Variants in ASIP observed in about 807,000 individuals in gnomAD.
The protein encoded by ASIP is agouti-signaling protein.
ASIP carries 11 observed loss-of-function variants against 10.3 expected under a neutral mutation model. That is an observed-to-expected ratio of 1.07 (90% CI 0.68 to 1.78). The LOEUF (loss-of-function observed/expected upper bound fraction) is 1.78, where lower values mean the gene tolerates loss of function less well. Among genes scored for constraint, ASIP ranks in the 40% most tolerant of loss-of-function variants. The pLI is 0.00. For missense variants in ASIP, 180 were observed against 169.2 expected (o/e 1.06, Z -0.35); for synonymous variants, 70 against 70.8 (o/e 0.99, Z 0.06).
chr20:34,215,739 C>T (rs117364809), intron 1 of ASIP: 15,878 of 1,470,862 alleles, frequency 0.011, 135 homozygotes, highest in Middle Eastern at 0.045. Context: ...AAAAACTTTA[C>T]ATGATCATCA....
chr20:34,191,584 TTCC>T (rs1458781740), upstream of ASIP, among the ~76,000 whole-genome samples: 1 of 152,198 alleles, frequency 6.6e-6, no homozygotes, highest in African/African-American at 2.4e-5. Flanking sequence ...CTACAAATCC[TTCC>T]TCCTCTCAGA....
At chr20:34,253,325 C>T (rs1021500137) in intron 1 of ASIP, among the ~76,000 whole-genome samples, 5 of 151,804 alleles carry the variant, frequency 3.3e-5, no homozygotes, top group Non-Finnish European at 7.4e-5. Flanking sequence ...CCAGGATGGT[C>T]TTGATCTCCT....
At chr20:34,260,185 C>T (rs1306063163) in intron 1 of ASIP, among the ~76,000 whole-genome samples, 180 bp from the exon 2 acceptor site, 1 of 152,072 alleles carries the variant, frequency 6.6e-6, no homozygotes, top group Non-Finnish European at 1.5e-5. Flanking sequence ...CATCTCTCTT[C>T]TCTCTTCTTC....
the ASIP span, among the ~76,000 whole-genome samples, chr20:34,188,930 C>A: frequency 6.6e-6 from 1 of 152,240 alleles, no homozygotes; most frequent in Non-Finnish European, 1.5e-5. Flanking sequence ...AAGAACCATA[C>A]TTCTCCCTAT....
intron 1 of ASIP, among the ~76,000 whole-genome samples, chr20:34,248,765 C>T (rs956278995): frequency 6.6e-6 from 1 of 151,698 alleles, no homozygotes; most frequent in Admixed American, 6.6e-5. Flanking sequence ...TTGCCATTGC[C>T]TTCCAGCCTG....
upstream of ASIP, among the ~76,000 whole-genome samples, chr20:34,193,857 T>G (rs6120560): frequency 0.12 from 18,551 of 152,172 alleles, 3,867 homozygotes; most frequent in African/African-American, 0.42. Flanking sequence ...AAGTGCAAAT[T>G]TTTATCTCAT....
intron 1 of ASIP, among the ~76,000 whole-genome samples, chr20:34,208,641 T>C (rs2122546322): frequency 6.6e-6 from 1 of 152,368 alleles, no homozygotes; most frequent in South Asian, 2.1e-4. Context: ...ACATGAGCGA[T>C]ACACAGCACC....
Position 34,201,060 on chromosome 20 carries a change from C to CTTTCTTTCT in ASIP, c.-11+6303_-11+6304insCTTTCTTTT, listed in dbSNP as rs1568744601. Among the ~76,000 whole-genome samples the CTTTCTTTCT allele has an allele frequency of 2.6e-4, 24 of 94,040 alleles. 1 individual carries two copies. Among genetic ancestry groups the CTTTCTTTCT allele is most frequent in the Non-Finnish European group, 3.3e-4 (14 of 42,252 alleles). The allele number at this position is 94,040 out of a possible 152,430, so 61.7% of individuals were successfully genotyped here. The stretch of plus-strand genomic sequence containing the variant: ...TCTTTCTTTCTTTCTTTCTTTCTTT[C>CTTTCTTTCT]TTTTTTTTCCTCCAGAATGTCTTAT... On this transcript the variant is annotated intron_variant, in intron 1 of 3. Coordinates refer to the ASIP transcript ENST00000568305.
chr20:34,193,512 T>A (rs1277155297), upstream of ASIP, among the ~76,000 whole-genome samples: 1 of 152,192 alleles, frequency 6.6e-6, no homozygotes, highest in Admixed American at 6.5e-5. Flanking sequence ...CATTTTTTCC[T>A]TTATTTCTAG....
At chr20:34,206,935 G>A (rs955403120) in intron 1 of ASIP, among the ~76,000 whole-genome samples, 4 of 152,102 alleles carry the variant, frequency 2.6e-5, no homozygotes, top group South Asian at 4.1e-4. Flanking sequence ...TCATATCTTC[G>A]TTATTGTGAA....
rs377302732 is a variant in ASIP, at chr20:34,255,069, G to GTTTACA, written c.-10-5293_-10-5288dup. 3.5e-3 allele frequency among the ~76,000 whole-genome samples: 531 copies of GTTTACA among 152,234 alleles called. 4 individuals carry two copies. Among genetic ancestry groups the GTTTACA allele is most frequent in the African/African-American group, 0.012 (493 of 41,526 alleles). ...GCCTACCCATTGTGCAGTGAATAGTGTTTACATTAGGCTTATGGCTGCTCT... is the reference window on the plus strand; with the variant it reads ...GCCTACCCATTGTGCAGTGAATAGTGTTTACATTTACATTAGGCTTATGGCTGCTCT... On this transcript the variant is annotated intron_variant, in intron 1 of 3. Transcript: ENST00000374954.
intron 1 of ASIP, among the ~76,000 whole-genome samples, chr20:34,216,518 C>T (rs2035010106): frequency 2.6e-5 from 4 of 152,192 alleles, no homozygotes; most frequent in African/African-American, 4.8e-5. Context: ...TCCGTTTACT[C>T]CATAGTCACA....
intron 1 of ASIP, among the ~76,000 whole-genome samples, chr20:34,198,914 A>C (rs921110294): frequency 6.6e-6 from 1 of 152,156 alleles, no homozygotes; most frequent in Non-Finnish European, 1.5e-5. Context: ...CAGCACCCAG[A>C]AGCCTCCTCA....
intron 1 of ASIP, among the ~76,000 whole-genome samples, chr20:34,253,442 TTTTATTTTA>T (rs1315982325): frequency 0.019 from 2,030 of 105,110 alleles, 56 homozygotes; most frequent in African/African-American, 0.11. Context: ...CTTATTTTTA[TTTTATTTTA>T]TTTATTTATT....
At chr20:34,246,738 G>A (rs1170977521) in intron 1 of ASIP, among the ~76,000 whole-genome samples, 4 of 152,134 alleles carry the variant, frequency 2.6e-5, no homozygotes, top group South Asian at 2.1e-4. Context: ...GATTACAGGC[G>A]TGAGCCCCTG....
intron 1 of ASIP, among the ~76,000 whole-genome samples, chr20:34,205,014 T>C (rs1405946181): frequency 6.6e-6 from 1 of 152,240 alleles, no homozygotes; most frequent in Non-Finnish European, 1.5e-5. Flanking sequence ...AAAGGTACAA[T>C]AAATTATACT....
intron 1 of ASIP, among the ~76,000 whole-genome samples, chr20:34,255,572 T>A (rs1018702568): frequency 6.6e-6 from 1 of 152,240 alleles, no homozygotes; most frequent in Admixed American, 6.5e-5. Flanking sequence ...ATTATAGATG[T>A]GATTATATAT....
intron 1 of ASIP, among the ~76,000 whole-genome samples, chr20:34,247,937 G>A (rs935627777): frequency 1.3e-5 from 2 of 152,196 alleles, no homozygotes; most frequent in Non-Finnish European, 2.9e-5. Context: ...CGGGCGCAGT[G>A]GCACATGCGT....
intron 1 of ASIP, among the ~76,000 whole-genome samples, chr20:34,221,604 T>C (rs765079916): frequency 9.2e-5 from 14 of 152,142 alleles, no homozygotes; most frequent in Non-Finnish European, 2.1e-4. Flanking sequence ...GGATAGGTTA[T>C]AAAGGGCCTG....
Sources: gnomAD v4.1 joint callset for allele counts (sites outside exome capture counted in the v4.1 genomes callset) on GRCh38, gnomAD v4.1.1 for gene constraint, MANE v1.5 for transcripts, NCBI Gene and HGNC (gene_info 2026-07-23, HGNC 2026-07-21) for gene names.